ZNF565: variants seen among roughly 807,000 people sequenced by gnomAD.
ZNF565 encodes zinc finger protein 565.
A neutral mutation model predicts 39.4 loss-of-function variants in ZNF565; 27 were observed. That is an observed-to-expected ratio of 0.69 (90% CI 0.51 to 0.95). The LOEUF is 0.95. Among genes scored for constraint, ZNF565 ranks in the 40% least tolerant of loss-of-function variants. The pLI, the probability that ZNF565 is intolerant of heterozygous loss-of-function variation, is 0.00. For missense variants in ZNF565, 524 were observed against 621.1 expected (o/e 0.84, Z 1.66); for synonymous variants, 185 against 216.6 (o/e 0.85, Z 1.28).
upstream of ZNF565, among the ~76,000 whole-genome samples, chr19:36,218,564 C>T (rs1471859381): frequency 2.0e-5 from 3 of 151,416 alleles, no homozygotes; most frequent in Non-Finnish European, 4.4e-5. Context: ...CTCCCTGGTT[C>T]ATGCCATTCT....
chr19:36,225,533 C>T (rs2145420843), intron 1 of ZNF565, among the ~76,000 whole-genome samples: 1 of 151,964 alleles, frequency 6.6e-6, no homozygotes, highest in African/African-American at 2.4e-5. Context: ...TCACTGCAAC[C>T]TCAACCTCCT....
At chr19:36,195,213 G>T (rs1599925226) in intron 2 of ZNF565, 57 bp from the exon 3 acceptor site, 2 of 1,566,898 alleles carry the variant, frequency 1.3e-6, no homozygotes, top group Admixed American at 3.8e-5. Context: ...CATTTATTAT[G>T]AAAATTTTCA....
intron 3 of ZNF565, chr19:36,194,586 G>C (rs1364731404): frequency 2.1e-6 from 1 of 476,902 alleles, no homozygotes; most frequent in African/African-American, 1.9e-5. Flanking sequence ...TTCCAGAAGG[G>C]TAGTCCTGAA....
upstream of ZNF565, among the ~76,000 whole-genome samples, chr19:36,217,155 C>G (rs184909490): frequency 6.7e-6 from 1 of 149,456 alleles, no homozygotes; most frequent in Non-Finnish European, 1.5e-5. Context: ...CTCTGCCCCC[C>G]AGGTTCAAGC....
intron 1 of ZNF565, among the ~76,000 whole-genome samples, chr19:36,232,689 A>G (rs1445572835): frequency 2.0e-5 from 3 of 149,390 alleles, no homozygotes; most frequent in Non-Finnish European, 4.4e-5. Context: ...GCTCACTACA[A>G]CCTCCACCTC....
intron 1 of ZNF565, among the ~76,000 whole-genome samples, chr19:36,212,333 C>T (rs1036359667): frequency 1.3e-5 from 2 of 152,010 alleles, no homozygotes; most frequent in African/African-American, 4.8e-5. Context: ...AAAATGGAGA[C>T]CAGACATGGT....
intron 1 of ZNF565, among the ~76,000 whole-genome samples, chr19:36,209,559 G>C (rs1484232323): frequency 7.1e-6 from 1 of 140,250 alleles, no homozygotes; most frequent in East Asian, 2.0e-4. Flanking sequence ...ATGGGATTGG[G>C]AGAGAAGAAA....
chr19:36,194,826 T>G, intron 3 of ZNF565: 1 of 723,768 alleles, frequency 1.4e-6, no homozygotes, highest in South Asian at 1.6e-5. Context: ...TTTCTTACCC[T>G]CCTCTCTCCC....
chr19:36,215,949 T>C (rs755429321), upstream of ZNF565, among the ~76,000 whole-genome samples: 8 of 152,230 alleles, frequency 5.3e-5, no homozygotes, highest in African/African-American at 1.9e-4. Context: ...AATTCCTTAA[T>C]GAGTCGAGGC....
At chr19:36,236,939 CAGA>C (rs1384225311) in intron 1 of ZNF565, 3 of 1,613,922 alleles carry the variant, frequency 1.9e-6, no homozygotes, top group Non-Finnish European at 2.5e-6. Flanking sequence ...AGCCTTTGGC[CAGA>C]AGAAGTACCT....
At chr19:36,226,952 G>A (rs1003832882) in intron 1 of ZNF565, among the ~76,000 whole-genome samples, 1 of 152,060 alleles carries the variant, frequency 6.6e-6, no homozygotes, top group Non-Finnish European at 1.5e-5. Flanking sequence ...GCATGGTGGC[G>A]CATGCCTATA....
chr19:36,194,149 G>A (rs533341048), intron 4 of ZNF565, 84 bp downstream of exon 4: 1 of 1,151,432 alleles, frequency 8.7e-7, no homozygotes, highest in South Asian at 1.5e-5. Context: ...AGGGCTTTGA[G>A]GGAACTTCCC....
At chr19:36,227,906 ATCCCAGCACT>A (rs1173883964) in intron 1 of ZNF565, among the ~76,000 whole-genome samples, 2 of 152,122 alleles carry the variant, frequency 1.3e-5, no homozygotes, top group Non-Finnish European at 2.9e-5. Flanking sequence ...TACATCTGTA[ATCCCAGCACT>A]TTGGGAGGCT....
chr19:36,212,984 C>T (rs192571395), intron 1 of ZNF565: 55 of 152,344 alleles, frequency 3.6e-4, no homozygotes, highest in African/African-American at 1.3e-3. Flanking sequence ...CATGAACAAC[C>T]AGGTCATTTT....
chr19:36,198,137 A>G (rs142509697), intron 2 of ZNF565, among the ~76,000 whole-genome samples: 18 of 152,272 alleles, frequency 1.2e-4, no homozygotes, highest in Non-Finnish European at 2.1e-4. Flanking sequence ...TTAAAAAAAA[A>G]AAAGAAAGAA....
intron 1 of ZNF565, among the ~76,000 whole-genome samples, chr19:36,232,470 A>G (rs747639853): frequency 2.0e-5 from 3 of 152,156 alleles, no homozygotes; most frequent in Non-Finnish European, 4.4e-5. Context: ...TTTGCCGTCT[A>G]TAGTCTGCAT....
chr19:36,199,899 G>A (rs760100461), intron 2 of ZNF565, among the ~76,000 whole-genome samples: 5 of 152,072 alleles, frequency 3.3e-5, no homozygotes, highest in Admixed American at 1.3e-4. Flanking sequence ...GGTCTCAAGC[G>A]ATCCTCCTAC....
intron 1 of ZNF565, among the ~76,000 whole-genome samples, chr19:36,209,464 T>C (rs1568422932): frequency 6.6e-6 from 1 of 152,038 alleles, no homozygotes; most frequent in East Asian, 1.9e-4. Context: ...CATTGCACGC[T>C]AGCCTGGGTG....
chr19:36,214,153 C>A, intron 1 of ZNF565, among the ~76,000 whole-genome samples: 1 of 152,038 alleles, frequency 6.6e-6, no homozygotes, highest in Admixed American at 6.6e-5. Flanking sequence ...CACACACATA[C>A]ACACAAACAC....
Sources: gnomAD v4.1 joint callset for allele counts (sites outside exome capture counted in the v4.1 genomes callset) on GRCh38, gnomAD v4.1.1 for gene constraint, MANE v1.5 for transcripts, NCBI Gene and HGNC (gene_info 2026-07-23, HGNC 2026-07-21) for gene names.